Variants in SLC6A12 observed in about 807,000 individuals in gnomAD.
The protein encoded by SLC6A12 is sodium- and chloride-dependent betaine transporter.
A neutral mutation model predicts 73.3 loss-of-function variants in SLC6A12; 50 were observed. That is an observed-to-expected ratio of 0.68 (90% CI 0.54 to 0.86). The LOEUF is 0.86. SLC6A12 is among the 40% of genes least tolerant of loss of function. The probability of loss-of-function intolerance (pLI) is 0.00; values close to 1 mark genes in which losing one functional copy is unlikely to be tolerated. For missense variants in SLC6A12, 648 were observed against 772.8 expected (o/e 0.84, Z 1.92); for synonymous variants, 304 against 309.2 (o/e 0.98, Z 0.18).
chr12:188,028 C>A (rs1939467193), downstream of SLC6A12, among the ~76,000 whole-genome samples: 1 of 152,254 alleles, frequency 6.6e-6, no homozygotes, highest in African/African-American at 2.4e-5. Context: ...CTAGTCCCCA[C>A]CAGACTCAGG....
downstream of SLC6A12, among the ~76,000 whole-genome samples, chr12:187,590 A>AAAAAAAAG (rs1939454858): frequency 2.6e-4 from 1 of 3,868 alleles, no homozygotes; most frequent in Admixed American, 2.4e-3. Flanking sequence ...GCAAAAGAGC[A>AAAAAAAAG]AAAAAAAAAA....
chr12:204,621 G>A lies in SLC6A12; in HGVS notation c.292C>T (p.Gln98Ter). 3.1e-6 allele frequency: 5 copies of A among 1,614,180 alleles called. No individual in the cohort carries two copies. Among genetic ancestry groups the A allele is most frequent in the Non-Finnish European group, 4.2e-6 (5 of 1,179,994 alleles). Residue 98 changes from glutamine to a stop codon, truncating the protein, a stop_gained, in exon 4 of 16, where the codon CAA becomes TAA. Coordinates refer to ENST00000684302, the MANE Select transcript of SLC6A12 (RefSeq NM_001122848.3). LOFTEE classifies it high-confidence loss of function. ...GTGACACTCCCTTGGCTGGTGTATT[G>A]GCCCAACGCCACCTCCAGGAAGAAC... is the stretch of plus-strand genomic sequence containing the variant. ...PVFFLEVALG[Q>*]YTSQGSVTAW...
chr12:192,843 G>C lies in SLC6A12; in HGVS notation c.1531-195C>G, dbSNP rs181022731. Among the ~76,000 whole-genome samples the C allele has an allele frequency of 1.0e-3, 149 of 149,066 alleles. 1 individual carries two copies. In the Middle Eastern group the frequency reaches 0.017, roughly 17 times the overall value. ...GACGGAGACAGGAGGCGATACAAAG[G>C]AAGGGAGGGGCTCGGAAGAGCATCA... On this transcript the variant is annotated intron_variant, in intron 14 of 15. Transcript: ENST00000684302.
At chr12:185,466 G>A (rs80106699), downstream of SLC6A12, among the ~76,000 whole-genome samples, 5,566 of 152,322 alleles carry the variant, frequency 0.037, 120 homozygotes, top group African/African-American at 0.054. Context: ...TCGGGGCCAG[G>A]GCCTTTTGGA....
chr12:187,579 T>C (rs555105719), downstream of SLC6A12, among the ~76,000 whole-genome samples: 104 of 92,930 alleles, frequency 1.1e-3, no homozygotes, highest in African/African-American at 4.4e-3. Flanking sequence ...CAAGATTTAC[T>C]GCAAAAGAGC....
In SLC6A12 at chr12:200,270, G is replaced by A. The variant is rs556618427; in HGVS notation, c.711+381C>T. Among the ~76,000 whole-genome samples the A allele has an allele frequency of 5.5e-3, 823 of 150,890 alleles. 10 individuals are homozygous for A. Among genetic ancestry groups the A allele is most frequent in the African/African-American group, 0.019 (760 of 40,778 alleles). On this transcript the variant is annotated intron_variant, in intron 7 of 15. Transcript: ENST00000684302. ...ACTACAGGTGCCCACCACCACGCCCGGCTAATTTTTTGTATTTTTAGTAGA... is the reference window on the plus strand; with the variant it reads ...ACTACAGGTGCCCACCACCACGCCCAGCTAATTTTTTGTATTTTTAGTAGA...
chr12:198,847 C>A lies in SLC6A12; in HGVS notation c.796G>T (p.Gly266Cys), dbSNP rs1940060337. The A allele has an allele frequency of 6.2e-7, 1 of 1,614,024 alleles. No homozygotes were observed. Among genetic ancestry groups the A allele is most frequent in the South Asian group, 1.1e-5 (1 of 91,084 alleles). ...RGVTLPGAYQ[G>C]IIYYLKPDLF... ...TCTGGCTTCAAGTAGTAGATGATGC[C>A]CTGGTAGGCTCCGGGAAGGGTGACA... The change falls in exon 8 of 16, where the codon GGC becomes TGC. Residue 266 changes from glycine to cysteine, a missense_variant. By Grantham distance (159) the Gly-to-Cys change is radical (BLOSUM62 -3). Transcript: ENST00000684302. The surrounding 1 kb of genome is among the most constrained non-coding windows in gnomAD (Gnocchi z 4.0).
intron 7 of SLC6A12, 146 bp from the exon 8 acceptor site, chr12:199,077 A>C (rs183803064): frequency 1.8e-5 from 9 of 503,962 alleles, no homozygotes; most frequent in East Asian, 9.5e-5. Flanking sequence ...AAGTTTCCAC[A>C]CCTCCCTTTA....
intron 12 of SLC6A12, 22 bp downstream of exon 12, chr12:196,102 C>T (rs1351800115): frequency 6.5e-7 from 1 of 1,550,268 alleles, no homozygotes; most frequent in African/African-American, 1.4e-5. Context: ...GCCTGGCCTG[C>T]AGGCCGGCGG....
rs1036206131 is a variant in SLC6A12 at position 190,478 on chromosome 12, C to A, written c.*590G>T. The A allele has an allele frequency of 6.6e-6, 1 of 152,178 alleles. No individual in the cohort carries two copies. The highest frequency in any genetic ancestry group is 1.5e-5 in the Non-Finnish European group (1 of 68,052). The allele number at this position is 152,178 out of a possible 1,614,324, so 9.4% of individuals were successfully genotyped here. On this transcript the variant is annotated 3_prime_UTR_variant, in exon 16 of 16. Transcript: ENST00000684302. ...AGGAGTTGATGAAACACTGCAAGAACAGTGCGGAACTAGGGCAGGAGCTGG... is the reference window on the plus strand; with the variant it reads ...AGGAGTTGATGAAACACTGCAAGAAAAGTGCGGAACTAGGGCAGGAGCTGG...
At chr12:187,551 C>G (rs144648947), downstream of SLC6A12, among the ~76,000 whole-genome samples, 454 of 129,788 alleles carry the variant, frequency 3.5e-3, 1 homozygote, top group African/African-American at 0.011. Context: ...CAGAGTAGAC[C>G]CAAACAGTGA....
rs572664672 is a variant in SLC6A12, at chr12:212,658, A to C, written c.-142-548T>G. Reference sequence around the variant, plus strand: ...GAGCCGTGGTAACTCAAGAGGGAACACGCTTAAACTGCAGCAAGAGGGATT... The same window carrying C: ...GAGCCGTGGTAACTCAAGAGGGAACCCGCTTAAACTGCAGCAAGAGGGATT... On this transcript the variant is annotated intron_variant, in intron 1 of 15. Transcript: ENST00000684302. Among the ~76,000 whole-genome samples the C allele has an allele frequency of 2.0e-5, 3 of 152,334 alleles. No individual in the cohort carries two copies. In the East Asian group the frequency reaches 5.8e-4, roughly 29 times the overall value.
At chr12:188,365 C>T (rs1276886088), downstream of SLC6A12, among the ~76,000 whole-genome samples, 1 of 152,008 alleles carries the variant, frequency 6.6e-6, no homozygotes, top group East Asian at 1.9e-4. Flanking sequence ...GCAGGCCGCT[C>T]CGATTGTGGG....
chr12:191,244 A>G (rs1591775836), intron 15 of SLC6A12, 33 bp from the exon 16 acceptor site: 2 of 1,257,580 alleles, frequency 1.6e-6, no homozygotes, highest in Non-Finnish European at 2.0e-6. Flanking sequence ...TTTGGAGCTG[A>G]TGGTGAGGGA....
chr12:184,931 A>C, the SLC6A12 span, among the ~76,000 whole-genome samples: 2 of 47,596 alleles, frequency 4.2e-5, no homozygotes, highest in East Asian at 1.4e-3. Context: ...AAACTGTCTC[A>C]AAAAAAAAAA....
At chr12:187,599 A>AGAGC, downstream of SLC6A12, among the ~76,000 whole-genome samples, 3 of 8,880 alleles carry the variant, frequency 3.4e-4, no homozygotes, top group African/African-American at 5.1e-4. Context: ...CAAAAAAAAA[A>AGAGC]AAAAAAAAAA....
chr12:192,832 GCGA>G, intron 14 of SLC6A12, among the ~76,000 whole-genome samples, 184 bp from the exon 15 acceptor site: 1 of 150,308 alleles, frequency 6.7e-6, no homozygotes, highest in African/African-American at 2.5e-5. Flanking sequence ...GAGACAGGAG[GCGA>G]TACAAAGGAA....
rs752067814 is a variant in SLC6A12, at chr12:197,893, T to C, written c.950+7A>G. On this transcript the variant is annotated splice_region_variant and intron_variant, in intron 9 of 15. Transcript: ENST00000684302. Reference sequence around the variant, plus strand: ...CTTCACCCCACCCCGGCCCACGCTGTTCTCACTTGTAGCAGTTGTTGTGAT... The same window carrying C: ...CTTCACCCCACCCCGGCCCACGCTGCTCTCACTTGTAGCAGTTGTTGTGAT... The C allele has an allele frequency of 7.9e-6, 11 of 1,400,502 alleles. 1 individual carries two copies. The highest frequency in any genetic ancestry group is 1.5e-5 in the African/African-American group (1 of 66,726). 86.8% of individuals were successfully genotyped at this position (1,400,502 alleles called of 1,614,324 possible).
At chr12:189,643 CCCCA>C (rs1431962177), downstream of SLC6A12, among the ~76,000 whole-genome samples, 3 of 152,170 alleles carry the variant, frequency 2.0e-5, no homozygotes, top group Non-Finnish European at 4.4e-5. Flanking sequence ...GAAATTCCCT[CCCCA>C]GCCCCAGTCC....
Sources: gnomAD v4.1 joint callset for allele counts (sites outside exome capture counted in the v4.1 genomes callset) on GRCh38, gnomAD v4.1.1 for gene constraint, Gnocchi (gnomAD v3.1) non-coding constraint, MANE v1.5 for transcripts, NCBI Gene and HGNC (gene_info 2026-07-23, HGNC 2026-07-21) for gene names.